ZSCAN25: variants seen among roughly 807,000 people sequenced by gnomAD.
ZSCAN25 encodes the protein zinc finger and SCAN domain containing 25, also known as zinc finger and SCAN domain-containing protein 25.
Under a neutral mutation model 38.7 loss-of-function variants are expected in ZSCAN25, and 27 were observed. The ratio of observed to expected loss-of-function variants is 0.70; its 90% CI spans 0.51 to 0.96. The LOEUF (loss-of-function observed/expected upper bound fraction) is 0.96, where lower values mean the gene tolerates loss of function less well. Among genes scored for constraint, ZSCAN25 ranks in the 40% least tolerant of loss-of-function variants. The pLI is 0.00. For missense variants in ZSCAN25, 637 were observed against 705.9 expected (o/e 0.90, Z 1.11); for synonymous variants, 273 against 277.7 (o/e 0.98, Z 0.17).
the ZSCAN25 span, among the ~76,000 whole-genome samples, chr7:99,726,058 T>G: frequency 1.3e-5 from 2 of 152,182 alleles, no homozygotes; most frequent in Non-Finnish European, 2.9e-5. Flanking sequence ...ATTATCTGCT[T>G]CTCTGACTAT....
chr7:99,625,141 C>T (rs1194086281), intron 7 of ZSCAN25, among the ~76,000 whole-genome samples: 1 of 152,126 alleles, frequency 6.6e-6, no homozygotes, highest in Non-Finnish European at 1.5e-5. Context: ...TGAGCATCTC[C>T]CTTGAGCTTT....
In ZSCAN25 at chr7:99,619,884, T is replaced by C; in HGVS notation, c.278T>C (p.Ile93Thr). ...ELLVLEQFLT[I>T]LPREFYAWIR... ...CTGGTGCTGGAGCAGTTCCTCACTATCCTGCCCCGCGAGTTCTACGCCTGG... is the reference window on the plus strand; with the variant it reads ...CTGGTGCTGGAGCAGTTCCTCACTACCCTGCCCCGCGAGTTCTACGCCTGG... Residue 93 changes from isoleucine (I) to threonine (T), a missense_variant, in exon 4 of 8, where the codon ATC becomes ACC. Physicochemically the swap from Ile to Thr is moderately conservative, Grantham distance 89. Transcript: ENST00000394152. The C allele has an allele frequency of 1.2e-6, 2 of 1,614,176 alleles. No homozygotes were observed. Among genetic ancestry groups the C allele is most frequent in the Non-Finnish European group, 1.7e-6 (2 of 1,180,044 alleles).
the ZSCAN25 span, among the ~76,000 whole-genome samples, chr7:99,700,599 T>C: frequency 4.6e-5 from 7 of 152,110 alleles, no homozygotes; most frequent in African/African-American, 1.4e-4. Context: ...GTGCCTCCTA[T>C]CCCCCTCACA....
At chr7:99,681,013 T>C in the ZSCAN25 span, among the ~76,000 whole-genome samples, 1 of 152,220 alleles carries the variant, frequency 6.6e-6, no homozygotes, top group African/African-American at 2.4e-5. Flanking sequence ...AGCTCAGTTG[T>C]TTTGATTTGT....
At chr7:99,716,914 A>C in the ZSCAN25 span, among the ~76,000 whole-genome samples, 2 of 152,230 alleles carry the variant, frequency 1.3e-5, no homozygotes, top group Non-Finnish European at 2.9e-5. Flanking sequence ...GGATGTATTT[A>C]GTCCTCCAGA....
chr7:99,638,737 C>A, the ZSCAN25 span: 1 of 1,234,942 alleles, frequency 8.1e-7, no homozygotes, highest in South Asian at 1.2e-5. Flanking sequence ...TTCCTTGTTC[C>A]CGAAGATTTT....
chr7:99,712,622 G>A, the ZSCAN25 span, among the ~76,000 whole-genome samples: 2 of 152,176 alleles, frequency 1.3e-5, no homozygotes, highest in African/African-American at 2.4e-5. Flanking sequence ...TAATCAGTAA[G>A]TAGATAAATA....
chr7:99,655,827 T>C, the ZSCAN25 span, among the ~76,000 whole-genome samples: 1 of 152,232 alleles, frequency 6.6e-6, no homozygotes, highest in Non-Finnish European at 1.5e-5. Context: ...AGGTATTTTA[T>C]TGTCTTTGAA....
At chr7:99,736,998 A>G in the ZSCAN25 span, among the ~76,000 whole-genome samples, 4 of 152,180 alleles carry the variant, frequency 2.6e-5, no homozygotes, top group African/African-American at 9.7e-5. Flanking sequence ...ACAGAGAGGT[A>G]CCTAAGAAAA....
chr7:99,731,181 A>C, the ZSCAN25 span: 3 of 1,612,652 alleles, frequency 1.9e-6, no homozygotes, highest in Non-Finnish European at 2.5e-6. Flanking sequence ...ATCAGGTCTC[A>C]GGGATTGTGA....
chr7:99,671,829 A>T, the ZSCAN25 span: 1 of 702,954 alleles, frequency 1.4e-6, no homozygotes, highest in Non-Finnish European at 2.6e-6. Flanking sequence ...AGGGAGCCAC[A>T]TGGTGACGGA....
At chr7:99,731,939 GA>G in the ZSCAN25 span, among the ~76,000 whole-genome samples, 1 of 152,156 alleles carries the variant, frequency 6.6e-6, no homozygotes, top group Non-Finnish European at 1.5e-5. Flanking sequence ...TCACAACTAA[GA>G]ACAAGGACAT....
At chr7:99,620,174 G>A in intron 4 of ZSCAN25, 181 bp downstream of exon 4, 2 of 862,830 alleles carry the variant, frequency 2.3e-6, no homozygotes, top group Non-Finnish European at 3.4e-6. Flanking sequence ...GCCATTCCCA[G>A]GGGAGATGCT....
the ZSCAN25 span, among the ~76,000 whole-genome samples, chr7:99,673,983 G>A: frequency 2.0e-5 from 3 of 152,156 alleles, no homozygotes; most frequent in Admixed American, 6.5e-5. Context: ...TTACAATAGC[G>A]AGTGTGAACT....
At chr7:99,647,876 G>A in the ZSCAN25 span, 23 of 984,604 alleles carry the variant, frequency 2.3e-5, no homozygotes, top group Middle Eastern at 1.0e-3. Flanking sequence ...TTATCACTTC[G>A]CTTAATATAA....
chr7:99,647,769 T>G, the ZSCAN25 span: 1 of 985,432 alleles, frequency 1.0e-6, no homozygotes, highest in Non-Finnish European at 1.2e-6. Flanking sequence ...ATTACAATGA[T>G]AAAAAATGTT....
At chr7:99,638,448 A>T in the ZSCAN25 span, 1 of 1,558,280 alleles carries the variant, frequency 6.4e-7, no homozygotes, top group Non-Finnish European at 8.8e-7. Flanking sequence ...CCGGTCATTG[A>T]TAATGTGGTG....
the ZSCAN25 span, among the ~76,000 whole-genome samples, chr7:99,700,780 G>T: frequency 2.0e-5 from 3 of 152,186 alleles, no homozygotes; most frequent in Non-Finnish European, 4.4e-5. Context: ...TGGTGGAGTT[G>T]ACTTGGGTGA....
chr7:99,688,097 G>GA, the ZSCAN25 span, among the ~76,000 whole-genome samples: 1 of 152,034 alleles, frequency 6.6e-6, no homozygotes, highest in African/African-American at 2.4e-5. Context: ...TCAAGGCTAG[G>GA]AAAAAAATGC....
Sources: allele counts gnomAD v4.1 joint callset (sites outside exome capture counted in the v4.1 genomes callset), GRCh38; gene constraint gnomAD v4.1.1; transcripts MANE v1.5; gene names NCBI Gene and HGNC (gene_info 2026-07-23, HGNC 2026-07-21).